The following RABGEF1 variants were observed in gnomAD, a reference collection of about 807,000 sequenced individuals.
The protein encoded by RABGEF1 is RAB guanine nucleotide exchange factor 1, also known as rab5 GDP/GTP exchange factor.
Under a neutral mutation model 57.3 loss-of-function variants are expected in RABGEF1, and 26 were observed. The ratio of observed to expected loss-of-function variants is 0.45; its 90% CI spans 0.33 to 0.63. The LOEUF (loss-of-function observed/expected upper bound fraction) is 0.63, where lower values mean the gene tolerates loss of function less well. Ranked by LOEUF, RABGEF1 falls within the 20% of genes least tolerant of loss-of-function variation. The pLI is 0.02. For synonymous variants in RABGEF1, 185 were observed against 210.7 expected (o/e 0.88, Z 1.06); for missense variants, 464 against 607.6 (o/e 0.76, Z 2.48).
intron 1 of RABGEF1, among the ~76,000 whole-genome samples, chr7:66,768,651 A>G (rs2129103045): frequency 6.9e-6 from 1 of 145,566 alleles, no homozygotes; most frequent in East Asian, 1.9e-4. Flanking sequence ...TGCTGATCTG[A>G]GACCTGCATA....
chr7:66,724,625 T>C (rs1328676467), intron 2 of RABGEF1, among the ~76,000 whole-genome samples: 4 of 152,214 alleles, frequency 2.6e-5, no homozygotes, highest in African/African-American at 9.6e-5. Context: ...CCCAAAGTGC[T>C]GGGATTATAG....
intron 1 of RABGEF1, among the ~76,000 whole-genome samples, chr7:66,710,693 G>C (rs528487296): frequency 6.6e-6 from 1 of 152,296 alleles, no homozygotes; most frequent in East Asian, 1.9e-4. Context: ...AGAAATGTCT[G>C]TTTAATTTTC....
rs1463449429 is a variant in RABGEF1 at position 66,809,862 on chromosome 7, G to A, written c.*578G>A. 4 of 152,562 alleles carry A rather than the reference G, an allele frequency of 2.6e-5. No homozygotes were observed. Among genetic ancestry groups the A allele is most frequent in the East Asian group, 1.9e-4 (1 of 5,200 alleles). The allele number at this position is 152,562 out of a possible 1,614,324, so 9.5% of individuals were successfully genotyped here. A position where few individuals can be genotyped will look rare whatever the true frequency, so the allele number is the denominator to read the frequency against. ...TTGGTTTGTCCCACTAAAATGACTC[G>A]AGAAGTGTTTAGACAAACTCCCCTT... On this transcript the variant is annotated 3_prime_UTR_variant, in exon 9 of 9. Transcript: ENST00000284957.
chr7:66,760,442 A>ATTTTTT (rs1024130038), intron 1 of RABGEF1, among the ~76,000 whole-genome samples: 3,291 of 125,712 alleles, frequency 0.026, 49 homozygotes, highest in East Asian at 0.052. Context: ...GTTAGCATGT[A>ATTTTTT]TTTTTTTTTT....
chr7:66,756,025 T>G, intron 1 of RABGEF1: 1 of 1,478,714 alleles, frequency 6.8e-7, no homozygotes, highest in African/African-American at 1.4e-5. Context: ...GATTACAGAT[T>G]GCAAATGCTA....
intron 1 of RABGEF1, chr7:66,682,356 C>G (rs1789877827): frequency 1.3e-5 from 2 of 153,386 alleles, no homozygotes; most frequent in African/African-American, 4.8e-5. Context: ...GCGGCCGGGA[C>G]AGTTGCGCGT....
chr7:66,663,106 C>G, the RABGEF1 span, among the ~76,000 whole-genome samples: 1 of 152,268 alleles, frequency 6.6e-6, no homozygotes, highest in Non-Finnish European at 1.5e-5. Flanking sequence ...CATGAGCGCT[C>G]TGTGTCTTAA....
intron 1 of RABGEF1, among the ~76,000 whole-genome samples, chr7:66,761,102 G>A (rs1409568915): frequency 6.6e-6 from 1 of 152,170 alleles, no homozygotes; most frequent in Admixed American, 6.5e-5. Context: ...CTCAAACTGT[G>A]TTTTTCCTCT....
the RABGEF1 span, among the ~76,000 whole-genome samples, chr7:66,660,334 C>T: frequency 1.6e-4 from 23 of 141,588 alleles, no homozygotes; most frequent in African/African-American, 5.3e-4. Context: ...GGTGACAAAG[C>T]GAGACTCCAT....
Position 66,809,293 on chromosome 7 carries a change from T to C in RABGEF1, c.*9T>C. On this transcript the variant is annotated 3_prime_UTR_variant, in exon 9 of 9. Transcript: ENST00000284957. The stretch of plus-strand genomic sequence containing the variant: ...AAGTTTATGCAGGATGATCACAATT[T>C]AGTGGAGAGTATTTATTTGAGCCTA... 1 of 1,595,566 alleles carries C rather than the reference T, an allele frequency of 6.3e-7. No individual in the cohort carries two copies. Among genetic ancestry groups the C allele is most frequent in the Non-Finnish European group, 8.6e-7 (1 of 1,168,814 alleles).
intron 1 of RABGEF1, among the ~76,000 whole-genome samples, chr7:66,697,614 G>T (rs981446369): frequency 6.6e-6 from 1 of 152,108 alleles, no homozygotes; most frequent in Non-Finnish European, 1.5e-5. Flanking sequence ...TTGCCTGCCT[G>T]CCAGAGTAGG....
At position 66,720,188 on chromosome 7, in the gene RABGEF1, A is replaced by AT. The variant is rs200124555; in HGVS notation, c.-815+7966dup. Reference sequence around the variant, plus strand: ...TCCATTCATTATTATTATTATTATTATTATTATTTTTTTTTTTTTTTCTTT... The same window carrying AT: ...TCCATTCATTATTATTATTATTATTATTTATTATTTTTTTTTTTTTTTCTTT... On this transcript the variant is annotated intron_variant and NMD_transcript_variant, in intron 2 of 9. Coordinates refer to the RABGEF1 transcript ENST00000607882. Among the ~76,000 whole-genome samples, 26 of 120,506 alleles carry AT rather than the reference A, an allele frequency of 2.2e-4. 1 individual carries two copies. Among genetic ancestry groups the AT allele is most frequent in the East Asian group, 5.0e-4 (2 of 4,034 alleles). The allele number at this position is 120,506 out of a possible 152,430, so 79.1% of individuals were successfully genotyped here. A position where few individuals can be genotyped will look rare whatever the true frequency, so the allele number is the denominator to read the frequency against.
intron 3 of RABGEF1, among the ~76,000 whole-genome samples, chr7:66,782,433 T>C (rs1338749536): frequency 6.6e-6 from 1 of 152,020 alleles, no homozygotes; most frequent in Non-Finnish European, 1.5e-5. Flanking sequence ...CCCCCTATTT[T>C]ACATAAAACA....
At chr7:66,713,635 G>C (rs1403172273) in intron 2 of RABGEF1, among the ~76,000 whole-genome samples, 4 of 152,192 alleles carry the variant, frequency 2.6e-5, no homozygotes, top group Non-Finnish European at 5.9e-5. Flanking sequence ...CTTGAAGTAT[G>C]ACTTTAGCTC....
rs748704918 is a variant in RABGEF1, at chr7:66,809,164, C to T, written c.1356C>T (p.Ile452=). The change falls in exon 9 of 9, where the codon ATC becomes ATT. Residue 452 remains isoleucine (I), a synonymous_variant. Transcript: ENST00000284957. ...TDGIAREVQD[I]VEKYPLEIKP... is the part of the protein sequence containing the mutation. ...GAATTGCAAGAGAAGTTCAAGACAT[C>T]GTTGAGAAATACCCACTGGAAATTA... 3 of 1,614,062 alleles carry T rather than the reference C, an allele frequency of 1.9e-6. No individual in the cohort carries two copies. The highest frequency in any genetic ancestry group is 1.7e-5 in the Admixed American group (1 of 60,002).
At chr7:66,710,741 T>C (rs1313529147) in intron 1 of RABGEF1, among the ~76,000 whole-genome samples, 1 of 152,238 alleles carries the variant, frequency 6.6e-6, no homozygotes, top group Non-Finnish European at 1.5e-5. Context: ...AAATAGACTG[T>C]TGAGTTTTAA....
intron 1 of RABGEF1, among the ~76,000 whole-genome samples, chr7:66,707,447 C>G (rs547384018): frequency 1.3e-5 from 2 of 152,162 alleles, no homozygotes; most frequent in South Asian, 2.1e-4. Context: ...AATCCCAGCA[C>G]TTTGAGAGGC....
chr7:66,726,615 C>A (rs1584959937), intron 2 of RABGEF1, among the ~76,000 whole-genome samples: 3 of 152,244 alleles, frequency 2.0e-5, no homozygotes, highest in Admixed American at 2.0e-4. Context: ...AATCCCCCGA[C>A]CTCAGCCTCC....
chr7:66,757,112 A>G (rs987296496), intron 1 of RABGEF1, among the ~76,000 whole-genome samples: 5 of 152,256 alleles, frequency 3.3e-5, no homozygotes, highest in Admixed American at 2.6e-4. Flanking sequence ...GTAAACTTAC[A>G]CATTTTGGAA....
Sources: allele counts gnomAD v4.1 joint callset (sites outside exome capture counted in the v4.1 genomes callset), GRCh38; gene constraint gnomAD v4.1.1; transcripts MANE v1.5; gene names NCBI Gene and HGNC (gene_info 2026-07-23, HGNC 2026-07-21).